CSTF2: variants seen among roughly 807,000 people sequenced by gnomAD.
CSTF2 encodes cleavage stimulation factor subunit 2, also known as CF-1 64 kDa subunit.
A neutral mutation model predicts 45.4 loss-of-function variants in CSTF2; 8 were observed. The ratio of observed to expected loss-of-function variants is 0.18; its 90% confidence interval spans 0.10 to 0.32. CSTF2 has a LOEUF of 0.32. Ranked by LOEUF, CSTF2 falls within the 10% of genes least tolerant of loss-of-function variation. CSTF2 has a pLI of 1.00. For missense variants in CSTF2, 253 were observed against 477.1 expected (o/e 0.53, Z 4.38); for synonymous variants, 155 against 158.9 (o/e 0.98, Z 0.18).
chrX:100,825,861 A>G (rs749439646), intron 6 of CSTF2, among the ~76,000 whole-genome samples: 3 of 112,323 alleles, frequency 2.7e-5, no homozygotes, highest in African/African-American at 9.7e-5. Flanking sequence ...TGACACAATT[A>G]TAAGTGGCAG....
chrX:100,828,488 G>A (rs2084956819), intron 8 of CSTF2, among the ~76,000 whole-genome samples: 1 of 111,963 alleles, frequency 8.9e-6, no homozygotes, highest in Admixed American at 9.5e-5. Flanking sequence ...CTCTCTCCCT[G>A]TATGGATATC....
At chrX:100,830,755 C>T in intron 8 of CSTF2, 1 of 931,868 alleles carries the variant, frequency 1.1e-6, no homozygotes, top group South Asian at 2.1e-5. Flanking sequence ...CGTGTGTATG[C>T]AAGCTATTTT....
chrX:100,836,265 A>G (rs1215602981), intron 11 of CSTF2, among the ~76,000 whole-genome samples: 2 of 112,561 alleles, frequency 1.8e-5, no homozygotes, highest in Non-Finnish European at 3.8e-5. Context: ...TGAACAGGAT[A>G]CAAAAAAATA....
At chrX:100,820,781 C>G (rs1448966397) in intron 1 of CSTF2, 1 of 411,693 alleles carries the variant, frequency 2.4e-6, no homozygotes, top group African/African-American at 2.5e-5. Context: ...CTGTCCCGTA[C>G]TACTTCTCAT....
At chrX:100,839,209 A>T (rs1441799653) in intron 13 of CSTF2, among the ~76,000 whole-genome samples, 2 of 105,661 alleles carry the variant, frequency 1.9e-5, no homozygotes, top group African/African-American at 6.9e-5. Context: ...TGATTATGCC[A>T]CTGCACTCTA....
chrX:100,824,284 T>C (rs1318843563), intron 6 of CSTF2, 27 bp downstream of exon 6: 1 of 1,170,480 alleles, frequency 8.5e-7, no homozygotes, highest in Non-Finnish European at 1.1e-6. Context: ...TAACATTTTT[T>C]TGTATCTGTC....
At chrX:100,820,792 C>A in intron 1 of CSTF2, 1 of 401,299 alleles carries the variant, frequency 2.5e-6, no homozygotes, top group Non-Finnish European at 4.7e-6. Flanking sequence ...TACTTCTCAT[C>A]CTCTGCCCCA....
At chrX:100,832,361 C>T in intron 9 of CSTF2, among the ~76,000 whole-genome samples, 1 of 111,689 alleles carries the variant, frequency 9.0e-6, no homozygotes, top group Non-Finnish European at 1.9e-5. Context: ...ATTATTAGTC[C>T]CATTTTACAC....
rs2084972343 is a variant in CSTF2, at chrX:100,830,984, T to G, written c.890-531T>G. The G allele has an allele frequency of 6.6e-6, 4 of 609,636 alleles. No individual in the cohort carries two copies. The East Asian group carries it at 1.5e-4, about 23-fold the overall frequency. The allele number at this position is 609,636 out of a possible 1,213,427, so 50.2% of individuals were successfully genotyped here. ...TCAGAACCCAAAAGGGTAGTGTTTT[T>G]GGGTTTTTGTTTTTTTAATTTTTTC... On this transcript the variant is annotated intron_variant, in intron 8 of 13. Coordinates refer to ENST00000372972, the MANE Select transcript of CSTF2 (RefSeq NM_001325.3).
chrX:100,828,906 A>G (rs2084959114), intron 8 of CSTF2, among the ~76,000 whole-genome samples: 1 of 112,246 alleles, frequency 8.9e-6, no homozygotes, highest in Non-Finnish European at 1.9e-5. Context: ...TCTCAAGGGG[A>G]CAAGGTAAGT....
chrX:100,831,671 A>G lies in CSTF2; in HGVS notation c.1031+15A>G, dbSNP rs2084976398. Reference sequence around the variant, plus strand: ...GTAGAGCCTAGGTAAGCACTAACATAGAAGGAAACAGTTGAAGAAATCAGA... The same window carrying G: ...GTAGAGCCTAGGTAAGCACTAACATGGAAGGAAACAGTTGAAGAAATCAGA... On this transcript the variant is annotated intron_variant, in intron 9 of 13. Transcript: ENST00000372972. The G allele has an allele frequency of 8.3e-7, 1 of 1,205,690 alleles. No homozygotes were observed. Among genetic ancestry groups the G allele is most frequent in the East Asian group, 3.0e-5 (1 of 33,795 alleles).
chrX:100,833,680 T>C (rs1261258488), intron 11 of CSTF2, among the ~76,000 whole-genome samples: 1 of 111,678 alleles, frequency 9.0e-6, no homozygotes, highest in Non-Finnish European at 1.9e-5. Context: ...AACAACCTTA[T>C]CCCACAATAA....
chrX:100,823,818 G>C (rs762473567), intron 4 of CSTF2, 68 bp from the exon 5 acceptor site: 50 of 1,088,526 alleles, frequency 4.6e-5, no homozygotes, highest in Non-Finnish European at 6.1e-5. Context: ...TCTCAGAGGG[G>C]AATGGCTCTA....
In CSTF2 at chrX:100,831,538, G is replaced by A. The variant is rs1162809827; in HGVS notation, c.913G>A (p.Ala305Thr). ...AGTGCCGATGCAAGACCCCAGAGCA[G>A]CTATGCAGCGGGGATCCTTGCCTGC... ...GQVPMQDPRAAMQRGSLPANV... is the reference protein window; with the variant it reads ...GQVPMQDPRATMQRGSLPANV... Residue 305 changes from alanine (A) to threonine (T), a missense_variant, in exon 9 of 14, where the codon GCT becomes ACT. By Grantham distance (58) the Ala-to-Thr change is moderately conservative. This residue lies in a region of CSTF2 where 200 missense variants were observed against 294.0 expected (regional missense o/e 0.68). Coordinates refer to ENST00000372972, the MANE Select transcript of CSTF2 (RefSeq NM_001325.3). 5 of 1,210,031 alleles carry A rather than the reference G, an allele frequency of 4.1e-6. No individual in the cohort carries two copies. Among genetic ancestry groups the A allele is most frequent in the Non-Finnish European group, 5.6e-6 (5 of 895,198 alleles).
chrX:100,826,129 A>T (rs1424883189), intron 6 of CSTF2, among the ~76,000 whole-genome samples: 1 of 111,127 alleles, frequency 9.0e-6, no homozygotes, highest in African/African-American at 3.3e-5. Context: ...CATTTAAAAA[A>T]ATATATTTCA....
At chrX:100,839,718 TAAAAGTA>T (rs1015113092) in intron 13 of CSTF2, among the ~76,000 whole-genome samples, 4 of 111,744 alleles carry the variant, frequency 3.6e-5, no homozygotes, top group Non-Finnish European at 7.5e-5. Flanking sequence ...TTTTTTTTAG[TAAAAGTA>T]TAGACTACCT....
intron 8 of CSTF2, among the ~76,000 whole-genome samples, chrX:100,828,755 GA>G (rs1389645304): frequency 8.9e-6 from 1 of 112,265 alleles, no homozygotes; most frequent in African/African-American, 3.2e-5. Context: ...ACAATGTTAG[GA>G]GGAGAGATCG....
At chrX:100,822,137 G>A in intron 2 of CSTF2, 114 bp from the exon 3 acceptor site, 2 of 526,829 alleles carry the variant, frequency 3.8e-6, no homozygotes, top group East Asian at 3.8e-5. Context: ...CTGTGAGGCT[G>A]TCAGAGATAT....
chrX:100,830,978 T>C (rs749172253), intron 8 of CSTF2: 1 of 625,127 alleles, frequency 1.6e-6, no homozygotes, highest in African/African-American at 2.3e-5. Flanking sequence ...AAAAGGGTAG[T>C]GTTTTTGGGT....
Sources: gnomAD v4.1 joint callset for allele counts (sites outside exome capture counted in the v4.1 genomes callset) on GRCh38, gnomAD v4.1.1 for gene constraint, gnomAD v4.1.1 regional missense constraint, MANE v1.5 for transcripts, NCBI Gene and HGNC (gene_info 2026-07-23, HGNC 2026-07-21) for gene names.